Variants in EGFLAM observed in about 807,000 individuals in gnomAD.
EGFLAM encodes pikachurin.
EGFLAM carries 79 observed loss-of-function variants against 113.1 expected under a neutral mutation model. The observed-to-expected ratio is 0.70, with a 90% CI of 0.58 to 0.84. EGFLAM has a LOEUF of 0.84. EGFLAM is among the 40% of genes least tolerant of loss of function. The pLI is 0.00. For synonymous variants in EGFLAM, 504 were observed against 487.6 expected (o/e 1.03, Z -0.44); for missense variants, 1,265 against 1,291.6 (o/e 0.98, Z 0.32).
intron 1 of EGFLAM, among the ~76,000 whole-genome samples, chr5:38,316,532 C>G (rs1183340782): frequency 6.6e-6 from 1 of 152,170 alleles, no homozygotes; most frequent in Non-Finnish European, 1.5e-5. Flanking sequence ...GTTAACATAT[C>G]CAAAGCTCCA....
intron 12 of EGFLAM, 82 bp from the exon 13 acceptor site, chr5:38,424,885 T>G: frequency 1.4e-4 from 215 of 1,547,308 alleles, no homozygotes; most frequent in Non-Finnish European, 1.6e-4. Context: ...TTCAGAACCA[T>G]GAGCTGCTGG....
intron 14 of EGFLAM, among the ~76,000 whole-genome samples, chr5:38,428,852 A>G (rs988399463): frequency 2.0e-5 from 3 of 152,188 alleles, no homozygotes; most frequent in African/African-American, 7.2e-5. Context: ...CTGTCAGCAA[A>G]GGCAACTGGA....
At chr5:38,421,354 A>G (rs977603238) in intron 12 of EGFLAM, among the ~76,000 whole-genome samples, 3 of 152,154 alleles carry the variant, frequency 2.0e-5, no homozygotes, top group Non-Finnish European at 1.5e-5. Context: ...AGATTCTCAA[A>G]CCTATATTTC....
intron 6 of EGFLAM, among the ~76,000 whole-genome samples, chr5:38,405,518 T>C (rs568698103): frequency 1.3e-5 from 2 of 152,364 alleles, no homozygotes; most frequent in African/African-American, 2.4e-5. Context: ...TGATGATTCA[T>C]TCCTTTCCCC....
intron 6 of EGFLAM, among the ~76,000 whole-genome samples, chr5:38,393,393 A>C (rs992851231): frequency 6.6e-6 from 1 of 152,272 alleles, no homozygotes; most frequent in South Asian, 2.1e-4. Flanking sequence ...GAGACAGGTT[A>C]GTTCCCTCAA....
intron 1 of EGFLAM, among the ~76,000 whole-genome samples, chr5:38,319,106 A>G (rs1738676511): frequency 6.6e-6 from 1 of 152,048 alleles, no homozygotes; most frequent in Non-Finnish European, 1.5e-5. Context: ...GTTCCTCCAC[A>G]CCTTCTTTGG....
intron 11 of EGFLAM, among the ~76,000 whole-genome samples, chr5:38,417,289 G>T (rs1052993430): frequency 6.8e-6 from 1 of 147,706 alleles, no homozygotes; most frequent in South Asian, 2.1e-4. Context: ...CGGAGGTTAC[G>T]GTGAGCCAGG....
At chr5:38,418,352 G>C in intron 12 of EGFLAM, 97 bp downstream of exon 12, 6 of 1,437,078 alleles carry the variant, frequency 4.2e-6, no homozygotes, top group Non-Finnish European at 5.6e-6. Context: ...AGCAACATTA[G>C]GTGCTACCCT....
chr5:38,260,838 C>G (rs888618944), intron 1 of EGFLAM, among the ~76,000 whole-genome samples: 4 of 152,104 alleles, frequency 2.6e-5, no homozygotes, highest in Non-Finnish European at 4.4e-5. Flanking sequence ...GAAAATTGGT[C>G]CAGATTAAAA....
At chr5:38,265,573 C>T (rs1757613101) in intron 1 of EGFLAM, among the ~76,000 whole-genome samples, 1 of 152,212 alleles carries the variant, frequency 6.6e-6, no homozygotes, top group Non-Finnish European at 1.5e-5. Flanking sequence ...AGGAAATCCC[C>T]CAAACTCATC....
chr5:38,272,263 T>TGGA (rs1757782064), intron 1 of EGFLAM, among the ~76,000 whole-genome samples: 1 of 152,170 alleles, frequency 6.6e-6, no homozygotes, highest in South Asian at 2.1e-4. Context: ...TGCTTTATAA[T>TGGA]GTCTTTGGAG....
chr5:38,272,758 A>ATGTG (rs148444332), intron 1 of EGFLAM, among the ~76,000 whole-genome samples: 82,080 of 150,610 alleles, frequency 0.54, 22,528 homozygotes, highest in Middle Eastern at 0.66. Flanking sequence ...AGGTGTGTGT[A>ATGTG]TGTGTGTGTG....
chr5:38,437,168 G>A (rs1234270669), intron 16 of EGFLAM, among the ~76,000 whole-genome samples: 1 of 152,188 alleles, frequency 6.6e-6, no homozygotes, highest in African/African-American at 2.4e-5. Flanking sequence ...CACATTGCAG[G>A]GCAGAAGGTG....
chr5:38,448,108 G>A, intron 17 of EGFLAM, 193 bp from the exon 18 acceptor site: 1 of 609,946 alleles, frequency 1.6e-6, no homozygotes, highest in South Asian at 2.1e-5. Context: ...GAAAAATGGG[G>A]GAGAAGCCAA....
intron 15 of EGFLAM, among the ~76,000 whole-genome samples, chr5:38,434,645 C>T (rs1243062147): frequency 3.3e-5 from 5 of 152,294 alleles, no homozygotes; most frequent in African/African-American, 1.2e-4. Context: ...CAGCTGTAAT[C>T]TGAGATCTGG....
intron 1 of EGFLAM, among the ~76,000 whole-genome samples, chr5:38,306,500 G>A (rs1758720381): frequency 6.6e-6 from 1 of 152,162 alleles, no homozygotes; most frequent in South Asian, 2.1e-4. Flanking sequence ...GATATCTCAT[G>A]TTCAGGGCCA....
At chr5:38,399,293 T>TTTTTTTG (rs1284710100) in intron 6 of EGFLAM, among the ~76,000 whole-genome samples, 11 of 146,210 alleles carry the variant, frequency 7.5e-5, no homozygotes, top group African/African-American at 2.9e-4. Context: ...TTTTTTTTTT[T>TTTTTTTG]TTGAGATGGA....
intron 19 of EGFLAM, among the ~76,000 whole-genome samples, chr5:38,452,390 A>T (rs1461100281): frequency 6.6e-6 from 1 of 152,150 alleles, no homozygotes; most frequent in Non-Finnish European, 1.5e-5. Flanking sequence ...GGCACACTTG[A>T]GTAGCTTCAA....
chr5:38,337,657 C>T (rs775352358), intron 2 of EGFLAM, 28 bp downstream of exon 2: 18 of 1,553,414 alleles, frequency 1.2e-5, no homozygotes, highest in Admixed American at 7.2e-5. Flanking sequence ...GGAGTTTCCT[C>T]GGTGGGTGTG....
Sources: allele counts gnomAD v4.1 joint callset (sites outside exome capture counted in the v4.1 genomes callset), GRCh38; gene constraint gnomAD v4.1.1; transcripts MANE v1.5; gene names NCBI Gene and HGNC (gene_info 2026-07-23, HGNC 2026-07-21).